JAK2: variants seen among roughly 807,000 people sequenced by gnomAD.
JAK2 encodes Janus kinase 2, also known as tyrosine-protein kinase JAK2.
A neutral mutation model predicts 139.3 loss-of-function variants in JAK2; 86 were observed. The ratio of observed to expected loss-of-function variants is 0.62; its 90% CI spans 0.52 to 0.74. The LOEUF (loss-of-function observed/expected upper bound fraction) is 0.74. Among genes scored for constraint, JAK2 ranks in the 30% least tolerant of loss-of-function variants. JAK2 has a pLI of 0.00. For missense variants in JAK2, 1,421 were observed against 1,360.3 expected, an observed-to-expected ratio of 1.04 and a Z score of -0.70; for synonymous variants, 490 against 437.7, an observed-to-expected ratio of 1.12 and a Z score of -1.49.
chr9:5,019,603 G>A (rs1822283429), intron 2 of JAK2, among the ~76,000 whole-genome samples: 1 of 152,066 alleles, frequency 6.6e-6, no homozygotes, highest in Admixed American at 6.5e-5. Context: ...ATTTCCCTAT[G>A]TTCCCATGTT....
Position 5,069,253 on chromosome 9 carries a change from G to C in JAK2, c.1513+45G>C, listed in dbSNP as rs779507923. 32 of 1,347,116 alleles carry C rather than the reference G, an allele frequency of 2.4e-5. No individual in the cohort carries two copies. The Admixed American group carries it at 5.5e-4, about 23-fold the overall frequency. 83.4% of individuals were successfully genotyped at this position (1,347,116 alleles called of 1,614,324 possible). A position where few individuals can be genotyped will look rare whatever the true frequency, so the allele number is the denominator to read the frequency against. ...ATTTTTAAATTACTGGTCATGGATT[G>C]TTTATGTGGCGTGAAGTATCTTCAG... On this transcript the variant is annotated intron_variant, in intron 11 of 24. Transcript: ENST00000381652.
chr9:5,126,533 G>A lies in JAK2; in HGVS notation c.3291+87G>A. The stretch of plus-strand genomic sequence containing the variant: ...TTCAGTTCACTTCCTGAAATTTAAT[G>A]TGCGGAGCTTCCAGATAAACAGCAT... On this transcript the variant is annotated intron_variant, in intron 24 of 24. Coordinates refer to ENST00000381652, the MANE Select transcript of JAK2 (RefSeq NM_004972.4). 5.0e-6 allele frequency: 5 copies of A among 1,003,388 alleles called. 1 individual carries two copies. The South Asian group carries it at 5.9e-5, about 12-fold the overall frequency. The allele number at this position is 1,003,388 out of a possible 1,614,324, so 62.2% of individuals were successfully genotyped here. A position where few individuals can be genotyped will look rare whatever the true frequency, so the allele number is the denominator to read the frequency against.
At chr9:5,076,572 TTATAGTG>T (rs2130576530) in intron 14 of JAK2, among the ~76,000 whole-genome samples, 1 of 152,286 alleles carries the variant, frequency 6.6e-6, no homozygotes, top group South Asian at 2.1e-4. Context: ...ATAGACTCCA[TTATAGTG>T]TATATACAAG....
chr9:5,012,616 G>T (rs942643888), intron 2 of JAK2, among the ~76,000 whole-genome samples: 5 of 152,044 alleles, frequency 3.3e-5, no homozygotes, highest in African/African-American at 4.8e-5. Flanking sequence ...TAATTATTTT[G>T]TTATTTTTAT....
At chr9:5,058,340 G>C (rs1563963807) in intron 8 of JAK2, among the ~76,000 whole-genome samples, 1 of 152,170 alleles carries the variant, frequency 6.6e-6, no homozygotes, top group Non-Finnish European at 1.5e-5. Context: ...AAGGTGAAGG[G>C]CAAGGAAGCC....
At chr9:5,049,018 A>G (rs542126123) in intron 5 of JAK2, among the ~76,000 whole-genome samples, 1 of 152,262 alleles carries the variant, frequency 6.6e-6, no homozygotes, top group Non-Finnish European at 1.5e-5. Context: ...TAAATCCTCC[A>G]GGTCAAAATC....
intron 22 of JAK2, among the ~76,000 whole-genome samples, chr9:5,095,640 CTCAATTA>C (rs1563999724): frequency 6.6e-6 from 1 of 152,114 alleles, no homozygotes; most frequent in African/African-American, 2.4e-5. Flanking sequence ...TAGCCCCTAT[CTCAATTA>C]TATTTCAAAT....
chr9:5,116,783 A>G (rs970826587), intron 22 of JAK2, among the ~76,000 whole-genome samples: 5 of 152,226 alleles, frequency 3.3e-5, no homozygotes, highest in Non-Finnish European at 7.3e-5. Context: ...GGCAAATTCA[A>G]CTGACAGGTC....
At chr9:5,043,054 G>C (rs1330820046) in intron 4 of JAK2, among the ~76,000 whole-genome samples, 2 of 152,190 alleles carry the variant, frequency 1.3e-5, no homozygotes, top group African/African-American at 2.4e-5. Flanking sequence ...GCGCGGGCTC[G>C]TGGCTTCCTG....
At chr9:4,995,395 A>G (rs1820503301) in intron 2 of JAK2, among the ~76,000 whole-genome samples, 1 of 152,170 alleles carries the variant, frequency 6.6e-6, no homozygotes, top group African/African-American at 2.4e-5. Context: ...TTATATTTTG[A>G]GATTCTCCCT....
intron 4 of JAK2, among the ~76,000 whole-genome samples, chr9:5,030,864 A>G (rs1160963810): frequency 1.3e-5 from 2 of 152,122 alleles, no homozygotes; most frequent in Admixed American, 6.5e-5. Flanking sequence ...TATTTTTTAT[A>G]TAATTATTGA....
rs558686085 is a variant in JAK2 at position 5,060,912 on chromosome 9, C to T, written c.1057-3971C>T. On this transcript the variant is annotated intron_variant, in intron 8 of 24. Transcript: ENST00000381652. ...CTTGAAAGTTGAAATTACTCCTTGA[C>T]CCATGGGCTACAGAATGGATGTTGT... 2.6e-4 allele frequency among the ~76,000 whole-genome samples: 40 copies of T among 152,316 alleles called. No individual in the cohort carries two copies. In the Middle Eastern group the frequency reaches 0.01, roughly 39 times the overall value.
intron 2 of JAK2, among the ~76,000 whole-genome samples, chr9:5,007,301 C>G (rs909155109): frequency 6.6e-6 from 1 of 151,978 alleles, no homozygotes; most frequent in African/African-American, 2.4e-5. Flanking sequence ...ATTATTGATT[C>G]AAAGTATTTT....
chr9:5,080,162 A>G (rs539246956), intron 16 of JAK2, 67 bp from the exon 17 acceptor site: 2 of 1,212,742 alleles, frequency 1.6e-6, no homozygotes, highest in East Asian at 2.4e-5. Context: ...CTTTAAAGCT[A>G]TTTACATATA....
intron 23 of JAK2, among the ~76,000 whole-genome samples, chr9:5,124,572 G>C (rs1009037303): frequency 2.6e-5 from 4 of 151,680 alleles, no homozygotes; most frequent in Admixed American, 2.0e-4. Flanking sequence ...AAAATTCATA[G>C]GGAACCAAAA....
At chr9:4,999,594 T>C (rs139519824) in intron 2 of JAK2, among the ~76,000 whole-genome samples, 1 of 152,314 alleles carries the variant, frequency 6.6e-6, no homozygotes, top group East Asian at 1.9e-4. Context: ...CACAATAGGC[T>C]GTCTGCAAGC....
chr9:5,085,665 C>A, intron 19 of JAK2: 2 of 725,458 alleles, frequency 2.8e-6, no homozygotes, highest in South Asian at 3.0e-5. Context: ...TTTTCCTTTT[C>A]GAGAACGTGC....
intron 2 of JAK2, among the ~76,000 whole-genome samples, chr9:4,988,501 C>T (rs191242538): frequency 3.4e-4 from 51 of 152,228 alleles, no homozygotes; most frequent in Non-Finnish European, 4.4e-5. Context: ...TTCTTTTGGC[C>T]TGGGGGTGTC....
chr9:5,019,394 T>C (rs1263991804), intron 2 of JAK2, among the ~76,000 whole-genome samples: 2 of 152,260 alleles, frequency 1.3e-5, no homozygotes, highest in Admixed American at 1.3e-4. Context: ...TTTTAAATGA[T>C]ATCTCTCTCT....
Sources: allele counts gnomAD v4.1 joint callset (sites outside exome capture counted in the v4.1 genomes callset), GRCh38; gene constraint gnomAD v4.1.1; transcripts MANE v1.5; gene names NCBI Gene and HGNC (gene_info 2026-07-23, HGNC 2026-07-21).